SETD1A: variants seen among roughly 807,000 people sequenced by gnomAD.
The protein encoded by SETD1A is histone-lysine N-methyltransferase SETD1A.
SETD1A carries 29 observed loss-of-function variants against 149.9 expected under a neutral mutation model. That is an observed-to-expected ratio of 0.19 (90% CI 0.14 to 0.26). SETD1A has a LOEUF of 0.26. Ranked by LOEUF, SETD1A falls within the 10% of genes least tolerant of loss-of-function variation. The pLI, the probability that SETD1A is intolerant of heterozygous loss-of-function variation, is 1.00. For synonymous variants in SETD1A, 1,141 were observed against 968.5 expected (o/e 1.18, Z -3.31); for missense variants, 2,109 against 2,353.1 (o/e 0.90, Z 2.15).
In SETD1A at chr16:30,966,201, A is replaced by G; in HGVS notation, c.2320A>G (p.Arg774Gly). ...GGGAGAGGAGGCCCGGCTGCCACCC[A>G]GGGAAGAAGCAGAGCTGGCAGAGGG... Reference protein sequence around the residue: ...VSGEEARLPPREEAELAEGKT... With the variant: ...VSGEEARLPPGEEAELAEGKT... The change falls in exon 8 of 19, where the codon AGG becomes GGG. Residue 774 changes from arginine to glycine, a missense_variant. By Grantham distance (125) the Arg-to-Gly change is moderately radical. Around this residue, in one of 8 missense-constraint regions of SETD1A, gnomAD observed 431 missense variants for 388.6 expected, o/e 1.11. Transcript: ENST00000262519. The G allele has an allele frequency of 6.2e-7, 1 of 1,613,014 alleles. No homozygotes were observed. The highest frequency in any genetic ancestry group is 8.5e-7 in the Non-Finnish European group (1 of 1,179,734).
At chr16:30,974,567 G>A (rs2056261827) in intron 13 of SETD1A, among the ~76,000 whole-genome samples, 1 of 152,148 alleles carries the variant, frequency 6.6e-6, no homozygotes, top group South Asian at 2.1e-4. Context: ...GAGATAGGAA[G>A]TATCTGTTGC....
At chr16:30,978,221 C>A (rs1375125347) in intron 13 of SETD1A, among the ~76,000 whole-genome samples, 1 of 150,720 alleles carries the variant, frequency 6.6e-6, no homozygotes, top group African/African-American at 2.5e-5. Context: ...TTGCAGTAAG[C>A]CGAGATTGCG....
Position 30,961,699 on chromosome 16 carries a change from A to G in SETD1A, c.517+162A>G, listed in dbSNP as rs1296443153. Reference sequence around the variant, plus strand: ...AGATTTTAGAGTGGAATTATGGTACATGGATTTTTGTGTGTGTGGTGTCTC... The same window carrying G: ...AGATTTTAGAGTGGAATTATGGTACGTGGATTTTTGTGTGTGTGGTGTCTC... On this transcript the variant is annotated intron_variant, in intron 4 of 18. Transcript: ENST00000262519. The surrounding 1 kb of genome is among the most constrained non-coding windows in gnomAD (Gnocchi z 4.0). 6.6e-6 allele frequency among the ~76,000 whole-genome samples: 1 copy of G among 152,028 alleles called. No individual in the cohort carries two copies. The highest frequency in any genetic ancestry group is 1.5e-5 in the Non-Finnish European group (1 of 68,012).
In SETD1A at chr16:30,964,726, C is replaced by T. The variant is rs779158530; in HGVS notation, c.984C>T (p.Ala328=). 12 of 1,614,066 alleles carry T rather than the reference C, an allele frequency of 7.4e-6. No individual in the cohort carries two copies. The highest frequency in any genetic ancestry group is 6.7e-5 in the African/African-American group (5 of 74,930). ...CCACAACCGCCTCCACGGCCATCGCCGCCACCACTGCAGCCACTGCCTCAT... is the reference window on the plus strand; with the variant it reads ...CCACAACCGCCTCCACGGCCATCGCTGCCACCACTGCAGCCACTGCCTCAT... ...SASTTASTAI[A]ATTAATASSS... Residue 328 remains alanine (A), a synonymous_variant, in exon 7 of 19, where the codon GCC becomes GCT. Transcript: ENST00000262519.
At position 30,959,096 on chromosome 16, in the gene SETD1A, A is replaced by G; in HGVS notation, c.156A>G (p.Ser52=). ...YDGVHFSVND[S]KYIPVEDLQD... is the part of the protein sequence containing the mutation. ...GCTGCTGCTTTCCTTCCTAGGACTCAAAGTATATACCAGTCGAAGACCTCC... is the reference window on the plus strand; with the variant it reads ...GCTGCTGCTTTCCTTCCTAGGACTCGAAGTATATACCAGTCGAAGACCTCC... The change falls in exon 3 of 19, where the codon TCA becomes TCG. Residue 52 remains serine, a synonymous_variant. Coordinates refer to ENST00000262519, the MANE Select transcript of SETD1A (RefSeq NM_014712.3). 1 of 1,611,534 alleles carries G rather than the reference A, an allele frequency of 6.2e-7. No homozygotes were observed. The highest frequency in any genetic ancestry group is 8.5e-7 in the Non-Finnish European group (1 of 1,177,702).
rs750566880 is a variant in SETD1A at position 30,964,158 on chromosome 16, G to A, written c.704G>A (p.Gly235Asp). The A allele has an allele frequency of 1.2e-6, 2 of 1,613,970 alleles. No homozygotes were observed. Among genetic ancestry groups the A allele is most frequent in the Admixed American group, 1.7e-5 (1 of 60,018 alleles). ...AAYPAGTTAV[G>D]TPGNGTPCSQ... ...TACCCAGCAGGCACCACTGCGGTGGGCACTCCTGGCAACGGCACCCCCTGC... is the reference window on the plus strand; with the variant it reads ...TACCCAGCAGGCACCACTGCGGTGGACACTCCTGGCAACGGCACCCCCTGC... Residue 235 changes from glycine (G) to aspartate (D), a missense_variant, in exon 6 of 19, where the codon GGC (glycine) becomes GAC (aspartate). Coordinates refer to ENST00000262519, the MANE Select transcript of SETD1A (RefSeq NM_014712.3).
rs368456435 is a variant in SETD1A, at chr16:30,965,645, C to T, written c.1764C>T (p.Asp588=). 55 of 1,611,144 alleles carry T rather than the reference C, an allele frequency of 3.4e-5. No homozygotes were observed. Among genetic ancestry groups the T allele is most frequent in the East Asian group, 4.5e-5 (2 of 44,666 alleles). The change falls in exon 8 of 19, where the codon GAC becomes GAT. Residue 588 remains aspartate, a synonymous_variant. Transcript: ENST00000262519. The part of the protein sequence containing the change: ...SSGDDMEISD[D]DRGGSPPPAP... ...GAGACGACATGGAGATCTCCGACGA[C>T]GACCGGGGTGGCTCACCCCCTCCGG... is the stretch of plus-strand genomic sequence containing the variant.
intron 10 of SETD1A, among the ~76,000 whole-genome samples, chr16:30,968,496 A>G (rs2056181541): frequency 6.6e-6 from 1 of 150,806 alleles, no homozygotes; most frequent in African/African-American, 2.5e-5. Context: ...ATATACACAC[A>G]CATATGCGTA....
At chr16:30,965,502 G>T (rs1260282219) in intron 7 of SETD1A, 41 bp downstream of exon 7, 1 of 1,582,378 alleles carries the variant, frequency 6.3e-7, no homozygotes, top group South Asian at 1.1e-5. Flanking sequence ...TGGGCTCTGG[G>T]AGTCAGGGTT....
At chr16:30,981,662 A>G (rs2056379792) in intron 17 of SETD1A, among the ~76,000 whole-genome samples, 1 of 152,252 alleles carries the variant, frequency 6.6e-6, no homozygotes, top group African/African-American at 2.4e-5. Flanking sequence ...GGCGTGAGCC[A>G]TCGCATCCAG....
intron 12 of SETD1A, 39 bp from the exon 13 acceptor site, chr16:30,971,339 T>G (rs1596682924): frequency 6.5e-7 from 1 of 1,541,686 alleles, no homozygotes; most frequent in Non-Finnish European, 8.8e-7. Flanking sequence ...CCAAGTGAGG[T>G]CTGCCCACCT....
At chr16:30,958,480 A>AG (rs557098619) in intron 1 of SETD1A, 65 of 492,954 alleles carry the variant, frequency 1.3e-4, no homozygotes, top group African/African-American at 1.3e-3. Context: ...CGGGAAGGTA[A>AG]GGGGGCTCGA....
rs1174276111 is a variant in SETD1A at position 30,963,641 on chromosome 16, G to A, written c.639+87G>A. On this transcript the variant is annotated intron_variant, in intron 5 of 18. Coordinates refer to ENST00000262519, the MANE Select transcript of SETD1A (RefSeq NM_014712.3). Reference sequence around the variant, plus strand: ...GCAGGAGCAGTCTTCGGGAGGTTCCGGGCTTTCCCGTTAAACAAAGAAGAG... The same window carrying A: ...GCAGGAGCAGTCTTCGGGAGGTTCCAGGCTTTCCCGTTAAACAAAGAAGAG... 7.8e-6 allele frequency: 11 copies of A among 1,402,584 alleles called. No homozygotes were observed. In the South Asian group the frequency reaches 1.1e-4, roughly 15 times the overall value. The allele number at this position is 1,402,584 out of a possible 1,614,324, so 86.9% of individuals were successfully genotyped here.
At chr16:30,963,339 G>T (rs2056080326) in intron 4 of SETD1A, 94 bp from the exon 5 acceptor site, 2 of 1,232,066 alleles carry the variant, frequency 1.6e-6, no homozygotes, top group Admixed American at 5.5e-5. Context: ...CCAAGAAATT[G>T]TAGGAAACTT....
chr16:30,967,868 C>T (rs1173597331), intron 10 of SETD1A, among the ~76,000 whole-genome samples: 5 of 152,162 alleles, frequency 3.3e-5, no homozygotes, highest in East Asian at 1.9e-4. Flanking sequence ...CCGAGTTAAA[C>T]GAGGCATCTC....
In SETD1A at chr16:30,964,614, C is replaced by T; in HGVS notation, c.872C>T (p.Thr291Ile). 1.2e-6 allele frequency: 2 copies of T among 1,611,388 alleles called. No homozygotes were observed. The highest frequency in any genetic ancestry group is 1.7e-6 in the Non-Finnish European group (2 of 1,178,460). ...TAACTCCCCTGCTTCTTCTCCAGCA[C>T]CACTTCAACCTCCTTCAAGCCCCGG... ...YSQDSAYSSS[T>I]TSTSFKPRRS... Residue 291 changes from threonine to isoleucine, a missense_variant and splice_region_variant, in exon 7 of 19, where the codon ACC becomes ATC. Transcript: ENST00000262519.
At chr16:30,960,040 T>C (rs2056027446) in intron 3 of SETD1A, among the ~76,000 whole-genome samples, 1 of 152,226 alleles carries the variant, frequency 6.6e-6, no homozygotes, top group Admixed American at 6.5e-5. Flanking sequence ...TGTGATTCTC[T>C]CCTTTTCTCT....
rs778630440 is a variant in SETD1A at position 30,980,698 on chromosome 16, TC to T, written c.4582-38del. The T allele has an allele frequency of 2.5e-6, 4 of 1,611,068 alleles. No homozygotes were observed. Among genetic ancestry groups the T allele is most frequent in the East Asian group, 2.2e-5 (1 of 44,860 alleles). ...CCGCCGCGTCCTCCTGCCACTCACT[TC>T]CCTGCCCTGCTCACCTCCTCCCTGC... On this transcript the variant is annotated intron_variant, in intron 15 of 18. Coordinates refer to ENST00000262519, the MANE Select transcript of SETD1A (RefSeq NM_014712.3). The surrounding 1 kb of genome is among the most constrained non-coding windows in gnomAD (Gnocchi z 7.7).
chr16:30,969,410 T>A lies in SETD1A; in HGVS notation c.2876T>A (p.Phe959Tyr). The A allele has an allele frequency of 6.2e-7, 1 of 1,614,036 alleles. No homozygotes were observed. Among genetic ancestry groups the A allele is most frequent in the South Asian group, 1.1e-5 (1 of 91,072 alleles). ...ACCCAGGGCAAGCACCGCAAGTCCTTTGCTCTGGACAGCGAAGGGGAGGAG... is the reference window on the plus strand; with the variant it reads ...ACCCAGGGCAAGCACCGCAAGTCCTATGCTCTGGACAGCGAAGGGGAGGAG... ...GKTQGKHRKS[F>Y]ALDSEGEEAS... The change falls in exon 11 of 19, where the codon TTT becomes TAT. Residue 959 changes from phenylalanine (F) to tyrosine (Y), a missense_variant. Around this residue, in one of 8 missense-constraint regions of SETD1A, gnomAD observed 832 missense variants for 815.6 expected, o/e 1.02. Transcript: ENST00000262519.
Sources: gnomAD v4.1 joint callset for allele counts (sites outside exome capture counted in the v4.1 genomes callset) on GRCh38, gnomAD v4.1.1 for gene constraint, gnomAD v4.1.1 regional missense constraint, Gnocchi (gnomAD v3.1) non-coding constraint, MANE v1.5 for transcripts, NCBI Gene and HGNC (gene_info 2026-07-23, HGNC 2026-07-21) for gene names.